The following PAPPA2 variants were observed in gnomAD, a reference collection of about 807,000 sequenced individuals.
PAPPA2 encodes pappalysin 2, also known as pappalysin-2.
PAPPA2 carries 86 observed loss-of-function variants against 176.4 expected under a neutral mutation model. The ratio of observed to expected loss-of-function variants is 0.49; its 90% CI spans 0.41 to 0.58. PAPPA2 has a LOEUF of 0.58. Among genes scored for constraint, PAPPA2 ranks in the 20% least tolerant of loss-of-function variants. The pLI, the probability that PAPPA2 is intolerant of heterozygous loss-of-function variation, is 0.00. For missense variants in PAPPA2, 2,073 were observed against 2,256.9 expected (o/e 0.92, Z 1.65); for synonymous variants, 809 against 852.2 (o/e 0.95, Z 0.88).
At chr1:176,752,306 A>G (rs1663215503) in intron 14 of PAPPA2, among the ~76,000 whole-genome samples, 1 of 136,066 alleles carries the variant, frequency 7.3e-6, no homozygotes, top group African/African-American at 2.8e-5. Flanking sequence ...ACTAACCTGC[A>G]CAATGTGCAC....
At chr1:176,587,512 TGCC>T (rs1653388747) in intron 2 of PAPPA2, among the ~76,000 whole-genome samples, 2 of 152,292 alleles carry the variant, frequency 1.3e-5, no homozygotes, top group African/African-American at 4.8e-5. Context: ...GACTATGGCT[TGCC>T]AGTTTTCCCA....
chr1:176,671,592 A>G (rs1239816561), intron 4 of PAPPA2, among the ~76,000 whole-genome samples: 3 of 152,094 alleles, frequency 2.0e-5, no homozygotes, highest in Non-Finnish European at 4.4e-5. Flanking sequence ...ATACCTTAAC[A>G]CAAAGTGCAA....
intron 1 of PAPPA2, among the ~76,000 whole-genome samples, chr1:176,544,569 C>T (rs1266528811): frequency 2.6e-5 from 4 of 152,104 alleles, no homozygotes; most frequent in Non-Finnish European, 5.9e-5. Flanking sequence ...AATTGAGTGG[C>T]GTTTTCTTTC....
At position 176,800,046 on chromosome 1, in the gene PAPPA2, C is replaced by T. The variant is rs768777828; in HGVS notation, c.5131-15C>T. ...CTTTAATTTTGTTTTCTGTTTTTCC[C>T]GTCTTTCCCCTTAGAGCATTGTGTG... On this transcript the variant is annotated splice_polypyrimidine_tract_variant and intron_variant, in intron 20 of 22. Transcript: ENST00000367662. 51 of 1,613,538 alleles carry T rather than the reference C, an allele frequency of 3.2e-5. No individual in the cohort carries two copies. The South Asian group carries it at 3.4e-4, about 11-fold the overall frequency.
At position 176,612,978 on chromosome 1, in the gene PAPPA2, G is replaced by A. The variant is rs1050481143; in HGVS notation, c.1991+17383G>A. ...TCTGAGACCGGAAGGAAGGAGTGGA[G>A]GGTGGATGCAGATTTATGAGTTGTT... On this transcript the variant is annotated intron_variant, in intron 3 of 22. Coordinates refer to ENST00000367662, the MANE Select transcript of PAPPA2 (RefSeq NM_020318.3). Among the ~76,000 whole-genome samples, 3 of 152,164 alleles carry A rather than the reference G, an allele frequency of 2.0e-5. 1 individual carries two copies. Among genetic ancestry groups the A allele is most frequent in the Non-Finnish European group, 4.4e-5 (3 of 68,032 alleles).
chr1:176,463,678 T>C (rs1651481966), intron 1 of PAPPA2, among the ~76,000 whole-genome samples: 1 of 152,194 alleles, frequency 6.6e-6, no homozygotes, highest in South Asian at 2.1e-4. Flanking sequence ...TCATTTTTCT[T>C]TGATAAGTGA....
At chr1:176,486,309 T>A (rs1652642293) in intron 1 of PAPPA2, among the ~76,000 whole-genome samples, 1 of 152,196 alleles carries the variant, frequency 6.6e-6, no homozygotes, top group South Asian at 2.1e-4. Context: ...TTTTAAAAAA[T>A]CAAAGAATTA....
At chr1:176,667,798 T>C (rs1235268341) in intron 3 of PAPPA2, among the ~76,000 whole-genome samples, 1 of 152,212 alleles carries the variant, frequency 6.6e-6, no homozygotes, top group Non-Finnish European at 1.5e-5. Flanking sequence ...TTCTTATTTC[T>C]GGCTTCCTTC....
Position 176,699,495 on chromosome 1 carries a change from T to C in PAPPA2, c.3142T>C (p.Cys1048Arg). The change falls in exon 8 of 23, where the codon TGC (cysteine) becomes CGC (arginine). Residue 1048 changes from cysteine (C) to arginine (R), a missense_variant. This residue lies in a region of PAPPA2 where 4 missense variants were observed against 16.5 expected (regional missense o/e 0.24). Coordinates refer to ENST00000367662, the MANE Select transcript of PAPPA2 (RefSeq NM_020318.3). ...SQPHSPLCSGCRPVRYQVLRD... is the reference protein window; with the variant it reads ...SQPHSPLCSGRRPVRYQVLRD... ...GCCCCACAGTCCCTTGTGCTCTGGC[T>C]GCAGGCCTGTGAGGTACCAGGTTCT... is the stretch of plus-strand genomic sequence containing the variant. 6.2e-7 allele frequency: 1 copy of C among 1,614,154 alleles called. No homozygotes were observed. Among genetic ancestry groups the C allele is most frequent in the Non-Finnish European group, 8.5e-7 (1 of 1,180,008 alleles).
At chr1:176,702,523 C>A (rs918317564) in intron 8 of PAPPA2, 84 bp from the exon 9 acceptor site, 18 of 1,556,578 alleles carry the variant, frequency 1.2e-5, no homozygotes, top group African/African-American at 4.1e-5. Context: ...TATTTCCCTT[C>A]AACTTCTGTG....
intron 21 of PAPPA2, among the ~76,000 whole-genome samples, chr1:176,822,601 A>C (rs1666708331): frequency 6.6e-6 from 1 of 152,222 alleles, no homozygotes; most frequent in South Asian, 2.1e-4. Flanking sequence ...TCTTGGACAA[A>C]GTTCTTAGGC....
rs1274672673 is a variant in PAPPA2 at position 176,617,334 on chromosome 1, G to A, written c.1991+21739G>A. ...CAGGCGCTACAGGGCAGGAGGTGGC[G>A]GTGGTTGTGGCAGAGTGGTGGTGGT... On this transcript the variant is annotated intron_variant, in intron 3 of 22. Transcript: ENST00000367662. Among the ~76,000 whole-genome samples the A allele has an allele frequency of 2.6e-5, 4 of 152,156 alleles. No homozygotes were observed. The South Asian group carries it at 6.2e-4, about 24-fold the overall frequency.
intron 12 of PAPPA2, 44 bp from the exon 13 acceptor site, chr1:176,739,582 C>A: frequency 6.3e-7 from 1 of 1,580,402 alleles, no homozygotes. Context: ...GTCTTGATAG[C>A]TCAATGGAAA....
intron 3 of PAPPA2, chr1:176,616,344 A>G (rs1190078925): frequency 5.3e-6 from 3 of 563,122 alleles, no homozygotes; most frequent in Non-Finnish European, 1.0e-5. Context: ...ATACTTCTCC[A>G]AATACAAAAG....
At position 176,800,080 on chromosome 1, in the gene PAPPA2, G is replaced by A. The variant is rs757901776; in HGVS notation, c.5150G>A (p.Arg1717Gln). The A allele has an allele frequency of 1.1e-5, 17 of 1,613,810 alleles. No homozygotes were observed. The highest frequency in any genetic ancestry group is 1.6e-4 in the Middle Eastern group (1 of 6,080). The change falls in exon 21 of 23, where the codon CGG becomes CAG. Residue 1717 changes from arginine (R) to glutamine (Q), a missense_variant. Around this residue, in one of 4 missense-constraint regions of PAPPA2, gnomAD observed 846 missense variants for 857.9 expected, o/e 0.99. Coordinates refer to ENST00000367662, the MANE Select transcript of PAPPA2 (RefSeq NM_020318.3). ...VKVQSIVCTG[R>Q]RQWHPDPVLV... ...CCTTAGAGCATTGTGTGCACTGGCC[G>A]GCGTCAATGGCACCCAGACCCCGTC...
At position 176,699,338 on chromosome 1, in the gene PAPPA2, C is replaced by T. The variant is rs769214857; in HGVS notation, c.2985C>T (p.His995=). ...EILLENKESV[H]LGPLDTFCDI... is the part of the protein sequence containing the mutation. ...TGCTGGAAAACAAGGAGTCAGTGCA[C>T]CTGGGCCCCTTAGACACTTTCTGTG... The change falls in exon 8 of 23, where the codon CAC becomes CAT. Residue 995 remains histidine, a synonymous_variant. Transcript: ENST00000367662. 3.0e-5 allele frequency: 48 copies of T among 1,614,050 alleles called. No homozygotes were observed. Among genetic ancestry groups the T allele is most frequent in the Non-Finnish European group, 3.7e-5 (44 of 1,180,026 alleles).
At chr1:176,657,132 G>A (rs963430631) in intron 3 of PAPPA2, among the ~76,000 whole-genome samples, 1 of 148,398 alleles carries the variant, frequency 6.7e-6, no homozygotes, top group Non-Finnish European at 1.5e-5. Flanking sequence ...AAAGTAAAAG[G>A]TGTCACAAAA....
chr1:176,788,009 G>A (rs988869444), intron 17 of PAPPA2, among the ~76,000 whole-genome samples: 5 of 151,920 alleles, frequency 3.3e-5, no homozygotes, highest in Non-Finnish European at 7.4e-5. Flanking sequence ...GCAGCGAGCC[G>A]AGATCGCGCC....
chr1:176,530,447 A>C (rs985592069), intron 1 of PAPPA2, among the ~76,000 whole-genome samples: 7 of 152,206 alleles, frequency 4.6e-5, no homozygotes, highest in Admixed American at 2.0e-4. Context: ...AAAAAGAAAA[A>C]AACAACTCCA....
Sources: allele counts gnomAD v4.1 joint callset (sites outside exome capture counted in the v4.1 genomes callset), GRCh38; gene constraint gnomAD v4.1.1; regional missense constraint gnomAD v4.1.1; transcripts MANE v1.5; gene names NCBI Gene and HGNC (gene_info 2026-07-23, HGNC 2026-07-21).